ZNF608: variants seen among roughly 807,000 people sequenced by gnomAD.
ZNF608 encodes renal carcinoma antigen NY-REN-36.
Under a neutral mutation model 109.0 loss-of-function variants are expected in ZNF608, and 12 were observed. The ratio of observed to expected loss-of-function variants is 0.11; its 90% CI spans 0.07 to 0.18. The LOEUF is 0.18. ZNF608 is among the 10% of genes least tolerant of loss of function. The pLI is 1.00. For synonymous variants in ZNF608, 732 were observed against 717.4 expected (o/e 1.02, Z -0.33); for missense variants, 1,707 against 1,879.3 (o/e 0.91, Z 1.70).
intron 2 of ZNF608, among the ~76,000 whole-genome samples, chr5:124,729,057 G>A (rs1283494527): frequency 2.0e-5 from 3 of 152,238 alleles, no homozygotes; most frequent in South Asian, 4.2e-4. Flanking sequence ...CCCTTTAAGC[G>A]CTCATCTGCA....
rs936592871 is a variant in ZNF608 at position 124,669,191 on chromosome 5, A to G, written c.1163-19494T>C. Among the ~76,000 whole-genome samples the G allele has an allele frequency of 2.0e-5, 3 of 152,206 alleles. No homozygotes were observed. The South Asian group carries it at 6.2e-4, about 32-fold the overall frequency. On this transcript the variant is annotated intron_variant, in intron 3 of 9. Transcript: ENST00000513986. ...TTCATAAGACAGGGACACGTGGCAG[A>G]CAAGAATGAACCTACTGACTCAGCA...
intron 3 of ZNF608, among the ~76,000 whole-genome samples, chr5:124,684,663 G>A (rs566086120): frequency 6.6e-5 from 10 of 152,322 alleles, no homozygotes; most frequent in Admixed American, 2.0e-4. Context: ...ACAAATGGGC[G>A]TAGTGGGAAG....
chr5:124,738,538 C>T (rs140486233), intron 2 of ZNF608, among the ~76,000 whole-genome samples: 169 of 152,306 alleles, frequency 1.1e-3, no homozygotes, highest in African/African-American at 3.8e-3. Flanking sequence ...ACCTCTTCTA[C>T]ACCTCTAGAG....
intron 3 of ZNF608, among the ~76,000 whole-genome samples, chr5:124,693,677 T>C (rs1441330963): frequency 2.0e-5 from 3 of 152,188 alleles, no homozygotes; most frequent in Non-Finnish European, 4.4e-5. Flanking sequence ...AACAGCAGCT[T>C]ATTTTTCACA....
At chr5:124,650,416 C>G (rs771342501) in intron 3 of ZNF608, among the ~76,000 whole-genome samples, 1 of 152,178 alleles carries the variant, frequency 6.6e-6, no homozygotes, top group Non-Finnish European at 1.5e-5. Flanking sequence ...TTGGGGTTAT[C>G]TTTGGAGTCA....
chr5:124,744,321 ATTCTGGTGGCCCTGAAGC>A lies in ZNF608; in HGVS notation c.651_668del (p.Leu218_Asn223del). The stretch of plus-strand genomic sequence containing the variant: ...CGGAAGGGGCCTGGCTGCCACTGCC[ATTCTGGTGGCCCTGAAGC>A]AGGTCGTGCTTGTCCTTCCTGGATT... On this transcript the variant is annotated inframe_deletion, in exon 2 of 10. Transcript: ENST00000513986. The surrounding 1 kb of genome is among the most constrained non-coding windows in gnomAD (Gnocchi z 4.5). The A allele has an allele frequency of 6.2e-7, 1 of 1,614,178 alleles. No individual in the cohort carries two copies. The highest frequency in any genetic ancestry group is 8.5e-7 in the Non-Finnish European group (1 of 1,180,042).
At chr5:124,728,382 G>A (rs943356186) in intron 2 of ZNF608, among the ~76,000 whole-genome samples, 6 of 152,162 alleles carry the variant, frequency 3.9e-5, no homozygotes, top group African/African-American at 1.4e-4. Context: ...GGGGATCAAA[G>A]CAAAGATCAC....
rs773282229 is a variant in ZNF608 at position 124,648,323 on chromosome 5, C to T, written c.2061G>A (p.Ser687=). 6.3e-5 allele frequency: 102 copies of T among 1,614,040 alleles called. No homozygotes were observed. The highest frequency in any genetic ancestry group is 3.3e-4 in the South Asian group (30 of 91,086). ...CAGCAGCCAAACTGCCGTCTGCTGC[C>T]GAGCAACTGTCTAACGCAGCCGTCA... The part of the protein sequence containing the change: ...SNMTAALDSC[S]AADGSLAAEM... The change falls in exon 5 of 10, where the codon TCG becomes TCA. Residue 687 remains serine (S), a synonymous_variant. Coordinates refer to ENST00000513986, the MANE Select transcript of ZNF608 (RefSeq NM_020747.3).
intron 2 of ZNF608, among the ~76,000 whole-genome samples, chr5:124,743,669 T>C (rs2149907787): frequency 6.6e-6 from 1 of 152,242 alleles, no homozygotes; most frequent in Non-Finnish European, 1.5e-5. Flanking sequence ...CTAGGATGAA[T>C]AAATTAAAAT....
chr5:124,682,894 C>T (rs548705790), intron 3 of ZNF608, among the ~76,000 whole-genome samples: 2 of 152,342 alleles, frequency 1.3e-5, no homozygotes, highest in South Asian at 4.1e-4. Flanking sequence ...GGCATTCACA[C>T]TCTTGTGTGA....
intron 3 of ZNF608, 32 bp from the exon 4 acceptor site, chr5:124,649,729 A>G (rs369340893): frequency 7.6e-5 from 105 of 1,374,058 alleles, no homozygotes; most frequent in Non-Finnish European, 1.0e-4. Context: ...AAAGGATCAT[A>G]GTTACCACTG....
At chr5:124,737,419 T>C (rs577391285) in intron 2 of ZNF608, among the ~76,000 whole-genome samples, 60 of 152,330 alleles carry the variant, frequency 3.9e-4, no homozygotes, top group African/African-American at 1.1e-3. Context: ...GAAGAGTAAG[T>C]GGCTTTGAAA....
At chr5:124,700,985 G>A (rs776680466) in intron 3 of ZNF608, 29 bp downstream of exon 3, 1 of 1,610,426 alleles carries the variant, frequency 6.2e-7, no homozygotes, top group Admixed American at 1.7e-5. Flanking sequence ...GAGGGCATCG[G>A]GAAATATATA....
intron 3 of ZNF608, among the ~76,000 whole-genome samples, chr5:124,653,087 A>G (rs1750862576): frequency 6.6e-6 from 1 of 152,188 alleles, no homozygotes. Context: ...TCAGAGAGCT[A>G]ATGCCCTGTA....
intron 3 of ZNF608, among the ~76,000 whole-genome samples, chr5:124,662,981 A>G (rs7737413): frequency 0.11 from 17,424 of 152,270 alleles, 1,210 homozygotes; most frequent in East Asian, 0.22. Context: ...TTTCATGGCA[A>G]ATATCTGTGG....
chr5:124,646,474 C>T (rs1018038891), intron 5 of ZNF608, among the ~76,000 whole-genome samples: 2 of 152,216 alleles, frequency 1.3e-5, no homozygotes, highest in Admixed American at 6.5e-5. Flanking sequence ...TTTTACTATA[C>T]ACCATGACAA....
rs543665333 is a variant in ZNF608, at chr5:124,722,927, G to A, written c.906+21157C>T. Reference sequence around the variant, plus strand: ...TACTGGATCAAAAATTATTTAAGTAGAAATACGACCCCCAAACCCAAGAAG... The same window carrying A: ...TACTGGATCAAAAATTATTTAAGTAAAAATACGACCCCCAAACCCAAGAAG... On this transcript the variant is annotated intron_variant, in intron 2 of 9. Transcript: ENST00000513986. Among the ~76,000 whole-genome samples, 6 of 151,570 alleles carry A rather than the reference G, an allele frequency of 4.0e-5. No individual in the cohort carries two copies. The East Asian group carries it at 1.2e-3, about 29-fold the overall frequency.
At position 124,744,255 on chromosome 5, in the gene ZNF608, A is replaced by C. The variant is rs549496597; in HGVS notation, c.735T>G (p.Gly245=). 1.2e-5 allele frequency: 20 copies of C among 1,612,986 alleles called. No homozygotes were observed. Among genetic ancestry groups the C allele is most frequent in the Non-Finnish European group, 1.7e-5 (20 of 1,179,792 alleles). ...LYGFGAKSNG[G]GASPFHCGGT... is the part of the protein sequence containing the mutation. ...CCCCGCAGTGGAAGGGGCTCGCGCC[A>C]CCTCCATTGCTCTTGGCCCCAAAGC... Residue 245 remains glycine, a synonymous_variant, in exon 2 of 10, where the codon GGT becomes GGG. Coordinates refer to ENST00000513986, the MANE Select transcript of ZNF608 (RefSeq NM_020747.3). This position sits in a 1 kb window ranked among gnomAD's most constrained non-coding sequence, Gnocchi z 4.5.
At chr5:124,665,430 T>G (rs1245567575) in intron 3 of ZNF608, among the ~76,000 whole-genome samples, 1 of 152,182 alleles carries the variant, frequency 6.6e-6, no homozygotes, top group Non-Finnish European at 1.5e-5. Flanking sequence ...AAAGAGCTCC[T>G]GCATTATAAT....
Sources: allele counts gnomAD v4.1 joint callset (sites outside exome capture counted in the v4.1 genomes callset), GRCh38; gene constraint gnomAD v4.1.1; non-coding constraint Gnocchi (gnomAD v3.1); transcripts MANE v1.5; gene names NCBI Gene and HGNC (gene_info 2026-07-23, HGNC 2026-07-21).